The following SIGLEC7 variants were observed in gnomAD, a reference collection of about 807,000 sequenced individuals.
SIGLEC7 encodes the protein sialic acid-binding Ig-like lectin 7.
In SIGLEC7, 33 loss-of-function variants were observed where a neutral mutation model predicts 40.8. The ratio of observed to expected loss-of-function variants is 0.81; its 90% CI spans 0.61 to 1.08. The LOEUF is 1.08. Ranked by LOEUF, SIGLEC7 falls within the 50% of genes least tolerant of loss-of-function variation. The pLI is 0.00. For missense variants in SIGLEC7, 513 were observed against 576.1 expected, an observed-to-expected ratio of 0.89 and a Z score of 1.12; for synonymous variants, 242 against 237.6, an observed-to-expected ratio of 1.02 and a Z score of -0.17.
Position 51,144,655 on chromosome 19 carries a change from C to G in SIGLEC7, c.683C>G (p.Thr228Arg). Residue 228 changes from threonine to arginine, a missense_variant, in exon 2 of 7, where the codon ACG (threonine) becomes AGG (arginine). Transcript: ENST00000317643. ...QVTLPGAGVT[T>R]NRTIQLNVSY... Reference sequence around the variant, plus strand: ...ACCTTGCCTGGGGCCGGCGTGACCACGAACAGGACCATCCAACTCAATGTG... The same window carrying G: ...ACCTTGCCTGGGGCCGGCGTGACCAGGAACAGGACCATCCAACTCAATGTG... 1.2e-6 allele frequency: 2 copies of G among 1,613,750 alleles called. No homozygotes were observed. Among genetic ancestry groups the G allele is most frequent in the Non-Finnish European group, 1.7e-6 (2 of 1,179,988 alleles).
chr19:51,142,461 A>T lies in SIGLEC7; in HGVS notation c.92A>T (p.Gln31Leu). Residue 31 changes from glutamine (Q) to leucine (L), a missense_variant, in exon 1 of 7, where the codon CAG (glutamine) becomes CTG (leucine). Physicochemically the swap from Gln to Leu is moderately radical, Grantham distance 113. Transcript: ENST00000317643. The surrounding 1 kb of genome is among the most constrained non-coding windows in gnomAD (Gnocchi z 5.0). ...CGGAAGGATTACTCGCTGACGATGC[A>T]GAGTTCCGTGACCGTGCAAGAGGGC... ...SNRKDYSLTM[Q>L]SSVTVQEGMC... The T allele has an allele frequency of 6.2e-7, 1 of 1,614,174 alleles. No homozygotes were observed. Among genetic ancestry groups the T allele is most frequent in the South Asian group, 1.1e-5 (1 of 91,084 alleles).
rs541602063 is a variant in SIGLEC7 at position 51,142,783 on chromosome 19, G to A, written c.414G>A (p.Gln138=). 1.8e-5 allele frequency: 28 copies of A among 1,598,042 alleles called. No individual in the cohort carries two copies. The East Asian group carries it at 5.6e-4, about 32-fold the overall frequency. ...TAAAATGGAATTATAAATATGACCA[G>A]CTCTCTGTGAACGTGACAGGTAAGG... ...GNIKWNYKYD[Q]LSVNVTALTH... Residue 138 remains glutamine, a synonymous_variant, in exon 1 of 7, where the codon CAG becomes CAA. Coordinates refer to ENST00000317643, the MANE Select transcript of SIGLEC7 (RefSeq NM_014385.4). This position sits in a 1 kb window ranked among gnomAD's most constrained non-coding sequence, Gnocchi z 5.0.
chr19:51,152,328 A>T (rs1315863341), intron 6 of SIGLEC7, among the ~76,000 whole-genome samples: 1 of 152,218 alleles, frequency 6.6e-6, no homozygotes, highest in African/African-American at 2.4e-5. Context: ...CCATGTCAAT[A>T]TCCTTAACCT....
intron 6 of SIGLEC7, among the ~76,000 whole-genome samples, chr19:51,150,610 C>T (rs1016340642): frequency 3.3e-5 from 5 of 152,110 alleles, no homozygotes; most frequent in Admixed American, 1.3e-4. Context: ...GTTGTGTCTT[C>T]GCCAGATTTT....
intron 1 of SIGLEC7, among the ~76,000 whole-genome samples, chr19:51,143,163 G>A (rs1186153561): frequency 1.3e-5 from 2 of 152,196 alleles, no homozygotes; most frequent in Non-Finnish European, 2.9e-5. Flanking sequence ...CACCCATGCA[G>A]TGAGACAATA....
chr19:51,150,080 T>A (rs1266343732), intron 6 of SIGLEC7, among the ~76,000 whole-genome samples: 1 of 152,232 alleles, frequency 6.6e-6, no homozygotes, highest in Admixed American at 6.5e-5. Context: ...TATAGAATCA[T>A]GCATCTGCAA....
rs1008699595 is a variant in SIGLEC7, at chr19:51,153,141, G to A, written c.1300G>A (p.Glu434Lys). The part of the protein sequence containing the change: ...LAAHSSGEER[E>K]IQYAPLSFHK... The stretch of plus-strand genomic sequence containing the variant: ...TGCCCACTCCTCAGGGGAGGAAAGA[G>A]AGATCCAGTATGCACCCCTCAGCTT... The change falls in exon 7 of 7, where the codon GAG becomes AAG. Residue 434 changes from glutamate to lysine, a missense_variant. Glu to Lys is a moderately conservative substitution (Grantham distance 56). Transcript: ENST00000317643. The A allele has an allele frequency of 6.2e-7, 1 of 1,610,940 alleles. No homozygotes were observed.
chr19:51,144,210 C>T, intron 1 of SIGLEC7, 196 bp from the exon 2 acceptor site: 2 of 819,272 alleles, frequency 2.4e-6, no homozygotes, highest in Non-Finnish European at 4.1e-6. Flanking sequence ...ACAGATAAGG[C>T]ACAGGCTCCA....
In SIGLEC7 at chr19:51,145,756, C is replaced by T. The variant is rs115444083; in HGVS notation, c.761-99C>T. On this transcript the variant is annotated intron_variant, in intron 3 of 6. Coordinates refer to ENST00000317643, the MANE Select transcript of SIGLEC7 (RefSeq NM_014385.4). The surrounding 1 kb of genome is among the most constrained non-coding windows in gnomAD (Gnocchi z 4.3). ...GAACATAAGTATGTCCCTGCACCAG[C>T]CTACATCACTCTCTGTTCCATTCCC... The T allele has an allele frequency of 3.3e-3, 4,537 of 1,391,982 alleles. 73 individuals are homozygous for T. In the African/African-American group the frequency reaches 0.048, roughly 15 times the overall value. 86.2% of individuals were successfully genotyped at this position (1,391,982 alleles called of 1,614,324 possible).
chr19:51,153,038 G>C (rs1296913854), intron 6 of SIGLEC7, 25 bp from the exon 7 acceptor site: 1 of 1,506,050 alleles, frequency 6.6e-7, no homozygotes, highest in African/African-American at 1.4e-5. Flanking sequence ...GCTCTGCTCT[G>C]ACTCTCTTCT....
intron 6 of SIGLEC7, 47 bp from the exon 7 acceptor site, chr19:51,153,016 C>G: frequency 1.4e-6 from 2 of 1,420,078 alleles, no homozygotes; most frequent in Non-Finnish European, 1.9e-6. Context: ...CCTGCCTTAT[C>G]CTATTTCCAC....
chr19:51,147,202 C>T lies in SIGLEC7; in HGVS notation c.1125-19C>T, dbSNP rs2092114447. The T allele has an allele frequency of 6.2e-7, 1 of 1,611,644 alleles. No homozygotes were observed. Among genetic ancestry groups the T allele is most frequent in the African/African-American group, 1.3e-5 (1 of 74,968 alleles). On this transcript the variant is annotated intron_variant, in intron 5 of 6. Transcript: ENST00000317643. ...CCCGATCTGACCACACTGAAAGGCT[C>T]TCTGGTCTCTTCACTCAGAGTGAGG...
intron 6 of SIGLEC7, among the ~76,000 whole-genome samples, chr19:51,148,439 T>C (rs1401424756): frequency 2.0e-5 from 3 of 152,210 alleles, no homozygotes; most frequent in Non-Finnish European, 4.4e-5. Context: ...ACATGCAGTA[T>C]TTGGTTTTCT....
In SIGLEC7 at chr19:51,145,632, C is replaced by T. The variant is rs141439411; in HGVS notation, c.761-223C>T. Among the ~76,000 whole-genome samples, 957 of 152,334 alleles carry T rather than the reference C, an allele frequency of 6.3e-3. 6 individuals are homozygous for T. The highest frequency in any genetic ancestry group is 0.019 in the South Asian group (91 of 4,830). ...TGTATAGGATAAATTCCTAAAAGCA[C>T]ATTTTACCAGTGTCATATGTTCTTT... is the stretch of plus-strand genomic sequence containing the variant. On this transcript the variant is annotated intron_variant, in intron 3 of 6. Transcript: ENST00000317643. The surrounding 1 kb of genome is among the most constrained non-coding windows in gnomAD (Gnocchi z 4.3).
At chr19:51,144,719 G>A (rs2092095370) in intron 2 of SIGLEC7, 35 bp downstream of exon 2, 4 of 1,604,796 alleles carry the variant, frequency 2.5e-6, no homozygotes, top group African/African-American at 1.3e-5. Context: ...GGTCCCTGAT[G>A]AGGGGGGGAC....
In SIGLEC7 at chr19:51,145,842, T is replaced by A. The variant is rs2092103941; in HGVS notation, c.761-13T>A. The A allele has an allele frequency of 6.8e-6, 11 of 1,613,558 alleles. No individual in the cohort carries two copies. The East Asian group carries it at 2.5e-4, about 36-fold the overall frequency. ...CACTTTGTCTCTTTGAACCTCCAACTTTTTCTCTACAGCATCCACAGCTCT... is the reference window on the plus strand; with the variant it reads ...CACTTTGTCTCTTTGAACCTCCAACATTTTCTCTACAGCATCCACAGCTCT... On this transcript the variant is annotated splice_polypyrimidine_tract_variant and intron_variant, in intron 3 of 6. Coordinates refer to ENST00000317643, the MANE Select transcript of SIGLEC7 (RefSeq NM_014385.4). This position sits in a 1 kb window ranked among gnomAD's most constrained non-coding sequence, Gnocchi z 4.3.
intron 5 of SIGLEC7, 52 bp from the exon 6 acceptor site, chr19:51,147,169 C>G: frequency 6.2e-7 from 1 of 1,608,358 alleles, no homozygotes. Context: ...TTGGTCTGCC[C>G]ACTGCACCCC....
At chr19:51,152,907 T>TA in intron 6 of SIGLEC7, 156 bp from the exon 7 acceptor site, 1 of 506,806 alleles carries the variant, frequency 2.0e-6, no homozygotes, top group African/African-American at 1.9e-5. Flanking sequence ...GAGATTTCTA[T>TA]AAAATGAACG....
Position 51,146,082 on chromosome 19 carries a change from C to T in SIGLEC7, c.988C>T (p.His330Tyr), listed in dbSNP as rs1160315845. The T allele has an allele frequency of 1.9e-6, 3 of 1,614,120 alleles. No homozygotes were observed. In the African/African-American group the frequency reaches 4.0e-5, roughly 22 times the overall value. Residue 330 changes from histidine to tyrosine, a missense_variant, in exon 4 of 7, where the codon CAC (histidine) becomes TAC (tyrosine). Coordinates refer to ENST00000317643, the MANE Select transcript of SIGLEC7 (RefSeq NM_014385.4). ...AGCTCAGAACTCTCTGGGTTCCCAG[C>T]ACGTTTCCCTGAACCTCTCCCTGCA... ...CRAQNSLGSQ[H>Y]VSLNLSLQQE...
Sources: gnomAD v4.1 joint callset for allele counts (sites outside exome capture counted in the v4.1 genomes callset) on GRCh38, gnomAD v4.1.1 for gene constraint, Gnocchi (gnomAD v3.1) non-coding constraint, MANE v1.5 for transcripts, NCBI Gene and HGNC (gene_info 2026-07-23, HGNC 2026-07-21) for gene names.